ADAMTS17: variants seen among roughly 807,000 people sequenced by gnomAD.
ADAMTS17 encodes the protein ADAM metallopeptidase with thrombospondin type 1 motif 17.
Under a neutral mutation model 141.5 loss-of-function variants are expected in ADAMTS17, and 113 were observed. The observed-to-expected ratio is 0.80, with a 90% CI of 0.69 to 0.93. The LOEUF (loss-of-function observed/expected upper bound fraction) is 0.93, where lower values mean the gene tolerates loss of function less well. Ranked by LOEUF, ADAMTS17 falls within the 40% of genes least tolerant of loss-of-function variation. ADAMTS17 has a pLI of 0.00. For missense variants in ADAMTS17, 1,659 were observed against 1,517.9 expected (o/e 1.09, Z -1.54); for synonymous variants, 768 against 630.6 (o/e 1.22, Z -3.27).
chr15:100,166,740 T>C (rs1179207607), intron 8 of ADAMTS17, among the ~76,000 whole-genome samples: 1 of 152,182 alleles, frequency 6.6e-6, no homozygotes, highest in Non-Finnish European at 1.5e-5. Flanking sequence ...TATTCAAAGG[T>C]TTCCAATCTA....
chr15:100,268,329 C>G (rs2043791447), intron 4 of ADAMTS17, among the ~76,000 whole-genome samples: 1 of 152,156 alleles, frequency 6.6e-6, no homozygotes, highest in Non-Finnish European at 1.5e-5. Context: ...AATGGGATTG[C>G]TGGGTCAAAG....
chr15:100,007,718 C>T (rs2061064740), intron 18 of ADAMTS17, among the ~76,000 whole-genome samples: 1 of 152,036 alleles, frequency 6.6e-6, no homozygotes, highest in Admixed American at 6.6e-5. Context: ...AAGGGTGGCG[C>T]TGCTTTAGAG....
At chr15:100,175,929 T>C (rs901280080) in intron 8 of ADAMTS17, among the ~76,000 whole-genome samples, 7 of 152,224 alleles carry the variant, frequency 4.6e-5, no homozygotes, top group Non-Finnish European at 1.0e-4. Flanking sequence ...AAGTCTTTTC[T>C]TTTTAGGACA....
rs923592727 is a variant in ADAMTS17 at position 100,316,286 on chromosome 15, G to A, written c.616+14603C>T. Among the ~76,000 whole-genome samples, 15 of 152,282 alleles carry A rather than the reference G, an allele frequency of 9.9e-5. No individual in the cohort carries two copies. In the East Asian group the frequency reaches 2.9e-3, roughly 29 times the overall value. On this transcript the variant is annotated intron_variant, in intron 3 of 21. Transcript: ENST00000268070. ...TGGCCCAGCCCCTCCTCAAGCATGT[G>A]ACGCTGGCCTTTGATTTTTTACAGG... is the stretch of plus-strand genomic sequence containing the variant.
chr15:100,329,278 C>A (rs1235683109), intron 3 of ADAMTS17, among the ~76,000 whole-genome samples: 1 of 152,122 alleles, frequency 6.6e-6, no homozygotes, highest in East Asian at 1.9e-4. Context: ...GTGGCTCATG[C>A]CTATAATCCC....
chr15:100,139,233 C>G (rs1262354009), intron 10 of ADAMTS17, among the ~76,000 whole-genome samples: 1 of 152,082 alleles, frequency 6.6e-6, no homozygotes, highest in East Asian at 1.9e-4. Context: ...GTAGAGAAAT[C>G]TAAAAAAATT....
chr15:100,128,666 C>T (rs200048850), intron 12 of ADAMTS17: 1 of 152,246 alleles, frequency 6.6e-6, no homozygotes, highest in Non-Finnish European at 1.5e-5. Flanking sequence ...AGAACAGCCT[C>T]TCTCCTGGGG....
chr15:100,263,384 T>C (rs940871892), intron 4 of ADAMTS17, among the ~76,000 whole-genome samples: 15 of 152,332 alleles, frequency 9.8e-5, no homozygotes, highest in African/African-American at 3.4e-4. Flanking sequence ...CCACATTCCT[T>C]CTTTATTCCC....
chr15:100,132,034 A>C lies in ADAMTS17; in HGVS notation c.1694T>G (p.Phe565Cys). Reference protein sequence around the residue: ...CSRTCGTGARFRQRKCDNPPP... With the variant: ...CSRTCGTGARCRQRKCDNPPP... Reference sequence around the variant, plus strand: ...GGGGTTGTCACATTTCCTCTGCCTGAAGCGGGCTCCCGTCCCACATGTTCG... The same window carrying C: ...GGGGTTGTCACATTTCCTCTGCCTGCAGCGGGCTCCCGTCCCACATGTTCG... The change falls in exon 12 of 22, where the codon TTC becomes TGC. Residue 565 changes from phenylalanine (F) to cysteine (C), a missense_variant. Coordinates refer to ENST00000268070, the MANE Select transcript of ADAMTS17 (RefSeq NM_139057.4). 1 of 1,614,194 alleles carries C rather than the reference A, an allele frequency of 6.2e-7. No homozygotes were observed. Among genetic ancestry groups the C allele is most frequent in the Non-Finnish European group, 8.5e-7 (1 of 1,180,032 alleles).
chr15:100,147,342 C>A (rs1440165953), intron 10 of ADAMTS17, among the ~76,000 whole-genome samples: 2 of 152,160 alleles, frequency 1.3e-5, no homozygotes, highest in Non-Finnish European at 2.9e-5. Context: ...GGAATACGTT[C>A]TGAGAAATCC....
rs2038076554 is a variant in ADAMTS17 at position 100,132,061 on chromosome 15, C to T, written c.1667G>A (p.Ser556Asn). The change falls in exon 12 of 22, where the codon AGC becomes AAC. Residue 556 changes from serine (S) to asparagine (N), a missense_variant. By Grantham distance (46) the Ser-to-Asn change is conservative. Coordinates refer to ENST00000268070, the MANE Select transcript of ADAMTS17 (RefSeq NM_139057.4). ...GCGGGCTCCCGTCCCACATGTTCGG[C>T]TGCACATGCTCCAGGCGCCCCACGG... Reference protein sequence around the residue: ...WSPWGAWSMCSRTCGTGARFR... With the variant: ...WSPWGAWSMCNRTCGTGARFR... 1 of 1,613,828 alleles carries T rather than the reference C, an allele frequency of 6.2e-7. No homozygotes were observed. The highest frequency in any genetic ancestry group is 8.5e-7 in the Non-Finnish European group (1 of 1,179,806).
At chr15:99,977,834 G>A (rs1363108140) in intron 20 of ADAMTS17, among the ~76,000 whole-genome samples, 1 of 152,064 alleles carries the variant, frequency 6.6e-6, no homozygotes, top group Non-Finnish European at 1.5e-5. Context: ...CCCTTGGAAT[G>A]GTCTCTTCTC....
chr15:100,177,596 G>C (rs147607829), intron 8 of ADAMTS17, among the ~76,000 whole-genome samples: 1 of 152,296 alleles, frequency 6.6e-6, no homozygotes, highest in Non-Finnish European at 1.5e-5. Context: ...TTCCATGACA[G>C]CTTGAAAAGA....
Position 100,174,085 on chromosome 15 carries a change from C to T in ADAMTS17, c.1182-18765G>A, listed in dbSNP as rs138640222. Among the ~76,000 whole-genome samples the T allele has an allele frequency of 3.2e-3, 481 of 152,344 alleles. 3 individuals are homozygous for T. The highest frequency in any genetic ancestry group is 0.01 in the African/African-American group (436 of 41,580). On this transcript the variant is annotated intron_variant, in intron 8 of 21. Coordinates refer to ENST00000268070, the MANE Select transcript of ADAMTS17 (RefSeq NM_139057.4). ...TACAATGTGACAGAGCTCTTGGTCC[C>T]ATTTAAGCTTCTCTCCTTTTTCCCA...
chr15:100,010,904 C>G (rs960612165), intron 18 of ADAMTS17, among the ~76,000 whole-genome samples: 10 of 152,102 alleles, frequency 6.6e-5, no homozygotes, highest in Non-Finnish European at 1.3e-4. Flanking sequence ...ATATACATTT[C>G]CCTGAAAAGT....
rs192295727 is a variant in ADAMTS17 at position 100,005,254 on chromosome 15, C to G, written c.2592-7665G>C. 1.7e-3 allele frequency among the ~76,000 whole-genome samples: 262 copies of G among 152,342 alleles called. 2 individuals are homozygous for G. The highest frequency in any genetic ancestry group is 2.8e-3 in the Non-Finnish European group (193 of 68,028). Reference sequence around the variant, plus strand: ...ATGAGACCCTGTATTCTTAGTGCTACTGTAACAAATTACCCCCAACTTAAT... The same window carrying G: ...ATGAGACCCTGTATTCTTAGTGCTAGTGTAACAAATTACCCCCAACTTAAT... On this transcript the variant is annotated intron_variant, in intron 18 of 21. Coordinates refer to ENST00000268070, the MANE Select transcript of ADAMTS17 (RefSeq NM_139057.4).
At chr15:100,258,663 G>A (rs200410847) in intron 6 of ADAMTS17, among the ~76,000 whole-genome samples, 1 of 12,238 alleles carries the variant, frequency 8.2e-5, no homozygotes, top group African/African-American at 7.2e-4. Context: ...CGATTCTATT[G>A]GTCCCTCCCA....
At chr15:100,233,649 C>T (rs1476104360) in intron 7 of ADAMTS17, among the ~76,000 whole-genome samples, 1 of 152,172 alleles carries the variant, frequency 6.6e-6, no homozygotes, top group Non-Finnish European at 1.5e-5. Flanking sequence ...GACAGAGAAA[C>T]ACGCAATGTC....
intron 18 of ADAMTS17, among the ~76,000 whole-genome samples, chr15:100,003,188 C>T (rs1191511720): frequency 2.0e-5 from 3 of 152,108 alleles, no homozygotes; most frequent in Admixed American, 2.0e-4. Context: ...CACTCACGAC[C>T]ATGGGTCCCA....
Sources: gnomAD v4.1 joint callset for allele counts (sites outside exome capture counted in the v4.1 genomes callset) on GRCh38, gnomAD v4.1.1 for gene constraint, MANE v1.5 for transcripts, NCBI Gene and HGNC (gene_info 2026-07-23, HGNC 2026-07-21) for gene names.